DPH6: variants seen among roughly 807,000 people sequenced by gnomAD.
The protein encoded by DPH6 is diphthamine biosynthesis 6.
A neutral mutation model predicts 38.2 loss-of-function variants in DPH6; 33 were observed. The observed-to-expected ratio is 0.86, with a 90% confidence interval of 0.65 to 1.15. The LOEUF is 1.15. Ranked by LOEUF, DPH6 falls within the 50% of genes most tolerant of loss-of-function variation. The probability of loss-of-function intolerance (pLI) is 0.00; values close to 1 mark genes in which losing one functional copy is unlikely to be tolerated. For synonymous variants in DPH6, 108 were observed against 103.0 expected, an observed-to-expected ratio of 1.05 and a Z score of -0.30; for missense variants, 325 against 320.0, an observed-to-expected ratio of 1.02 and a Z score of -0.12.
intron 3 of DPH6, among the ~76,000 whole-genome samples, chr15:35,267,767 GT>G (rs1237393807): frequency 3.3e-5 from 5 of 152,154 alleles, no homozygotes; most frequent in African/African-American, 1.2e-4. Flanking sequence ...GTAGAGGAAG[GT>G]ATGAGGACTC....
chr15:35,281,727 G>T, intron 3 of DPH6, among the ~76,000 whole-genome samples: 1 of 152,136 alleles, frequency 6.6e-6, no homozygotes, highest in East Asian at 1.9e-4. Flanking sequence ...TGACTATCAT[G>T]TATGAGTCAG....
At chr15:35,485,354 C>A (rs1180099457) in intron 3 of DPH6, among the ~76,000 whole-genome samples, 1 of 152,152 alleles carries the variant, frequency 6.6e-6, no homozygotes, top group East Asian at 1.9e-4. Context: ...CATTACTACA[C>A]AAATTGTATG....
chr15:35,297,090 A>T (rs1311516730), intron 3 of DPH6, among the ~76,000 whole-genome samples: 1 of 152,176 alleles, frequency 6.6e-6, no homozygotes, highest in East Asian at 1.9e-4. Flanking sequence ...GTTCCAACCT[A>T]TCTTGCCAAC....
chr15:35,348,646 A>C (rs2052482379), intron 3 of DPH6, among the ~76,000 whole-genome samples: 1 of 152,078 alleles, frequency 6.6e-6, no homozygotes, highest in Non-Finnish European at 1.5e-5. Context: ...TGGTCTTTTG[A>C]GATACCACAT....
intron 3 of DPH6, chr15:35,522,303 G>A (rs1428083323): frequency 8.7e-6 from 14 of 1,607,326 alleles, no homozygotes; most frequent in Admixed American, 3.4e-5. Flanking sequence ...TTAGGAAAAC[G>A]TGGCAATCAG....
chr15:35,204,878 T>C, the DPH6 span, among the ~76,000 whole-genome samples: 1 of 151,994 alleles, frequency 6.6e-6, no homozygotes. Flanking sequence ...GTAATAGCTG[T>C]GTTTGTGTCT....
At chr15:35,153,021 T>C in the DPH6 span, among the ~76,000 whole-genome samples, 7 of 152,212 alleles carry the variant, frequency 4.6e-5, no homozygotes, top group East Asian at 1.3e-3. Context: ...TCAGTTTTTG[T>C]ATGAAGCAAA....
chr15:35,521,617 CA>C lies in DPH6; in HGVS notation c.312+16656del, dbSNP rs1239453888. On this transcript the variant is annotated intron_variant, in intron 3 of 8. Transcript: ENST00000256538. ...CTTTTCATCTACCACAGGATGACTA[CA>C]AAAAAAATCAGGCAATGTATTTTTA... 9.0e-6 allele frequency: 11 copies of C among 1,228,276 alleles called. No individual in the cohort carries two copies. In the East Asian group the frequency reaches 1.6e-4, roughly 18 times the overall value. 76.1% of individuals were successfully genotyped at this position (1,228,276 alleles called of 1,614,324 possible). A position where few individuals can be genotyped will look rare whatever the true frequency, so the allele number is the denominator to read the frequency against.
intron 3 of DPH6, among the ~76,000 whole-genome samples, chr15:35,517,442 T>A (rs1343515154): frequency 6.6e-6 from 1 of 152,134 alleles, no homozygotes; most frequent in African/African-American, 2.4e-5. Context: ...TCAATTTTTT[T>A]CTTTGGTAGA....
Position 35,358,407 on chromosome 15 carries a change from G to C in DPH6, n.207+15114C>G, listed in dbSNP as rs1486381516. On this transcript the variant is annotated intron_variant and non_coding_transcript_variant, in intron 3 of 3. Transcript: ENST00000558973. ...AAATCAGGGATTTCTTCTTCATTTG[G>C]AGCCATTGCTGGTTAAACTAGTATG... is the stretch of plus-strand genomic sequence containing the variant. Among the ~76,000 whole-genome samples the C allele has an allele frequency of 6.6e-5, 10 of 152,164 alleles. No individual in the cohort carries two copies. In the South Asian group the frequency reaches 2.1e-3, roughly 32 times the overall value.
intron 3 of DPH6, among the ~76,000 whole-genome samples, chr15:35,498,010 T>C (rs985071895): frequency 2.0e-5 from 3 of 152,224 alleles, no homozygotes; most frequent in Admixed American, 6.5e-5. Context: ...AGGAAGACTA[T>C]GCAATATTAG....
At chr15:35,400,886 A>T (rs1014158814) in intron 6 of DPH6, 1 of 938,894 alleles carries the variant, frequency 1.1e-6, no homozygotes, top group African/African-American at 1.6e-5. Flanking sequence ...GCCACTGTGG[A>T]GGAGGTGGAT....
chr15:35,538,863 A>G (rs966551618), intron 2 of DPH6, among the ~76,000 whole-genome samples: 16 of 151,342 alleles, frequency 1.1e-4, no homozygotes, highest in African/African-American at 3.4e-4. Flanking sequence ...AGACTTGTAG[A>G]AAAAAAAACC....
chr15:35,386,360 C>A (rs890293230), intron 6 of DPH6, among the ~76,000 whole-genome samples: 1 of 152,130 alleles, frequency 6.6e-6, no homozygotes, highest in Non-Finnish European at 1.5e-5. Flanking sequence ...TGGGTATATA[C>A]CCAGTAATGG....
chr15:35,477,854 T>G (rs1036962369), intron 3 of DPH6, among the ~76,000 whole-genome samples: 6 of 151,926 alleles, frequency 3.9e-5, no homozygotes, highest in Admixed American at 6.6e-5. Context: ...ACTGTAATTA[T>G]TAGCGGGAAA....
intron 6 of DPH6, among the ~76,000 whole-genome samples, chr15:35,399,053 C>A (rs2053184333): frequency 6.6e-6 from 1 of 152,116 alleles, no homozygotes; most frequent in Non-Finnish European, 1.5e-5. Flanking sequence ...TTCTTAGGCT[C>A]CCTGCTCTTA....
At chr15:35,257,949 C>T (rs2051719262) in intron 3 of DPH6, among the ~76,000 whole-genome samples, 1 of 152,142 alleles carries the variant, frequency 6.6e-6, no homozygotes, top group Non-Finnish European at 1.5e-5. Context: ...CAAGCGGCTA[C>T]TTAATCCACC....
At chr15:35,361,023 T>G (rs1421560292) in intron 3 of DPH6, among the ~76,000 whole-genome samples, 6 of 152,198 alleles carry the variant, frequency 3.9e-5, no homozygotes, top group Admixed American at 1.3e-4. Flanking sequence ...GTTGGCCTTC[T>G]AATGAAGGTA....
chr15:35,446,692 G>A (rs1224248453), intron 5 of DPH6, among the ~76,000 whole-genome samples: 2 of 152,098 alleles, frequency 1.3e-5, no homozygotes, highest in African/African-American at 4.8e-5. Context: ...GGTGTCAAAA[G>A]TTTTACGTGG....
Sources: allele counts gnomAD v4.1 joint callset (sites outside exome capture counted in the v4.1 genomes callset), GRCh38; gene constraint gnomAD v4.1.1; transcripts MANE v1.5; gene names NCBI Gene and HGNC (gene_info 2026-07-23, HGNC 2026-07-21).